FLVCR2: variants seen among roughly 807,000 people sequenced by gnomAD.
FLVCR2 encodes the protein choline/ethanolamine transporter FLVCR2.
Under a neutral mutation model 48.9 loss-of-function variants are expected in FLVCR2, and 38 were observed. That is an observed-to-expected ratio of 0.78 (90% CI 0.60 to 1.02). The LOEUF is 1.02. Ranked by LOEUF, FLVCR2 falls within the 50% of genes least tolerant of loss-of-function variation. The pLI, the probability that FLVCR2 is intolerant of heterozygous loss-of-function variation, is 0.00. For missense variants in FLVCR2, 664 were observed against 663.3 expected (o/e 1.00, Z -0.01); for synonymous variants, 255 against 257.0 (o/e 0.99, Z 0.07).
intron 3 of FLVCR2, among the ~76,000 whole-genome samples, chr14:75,626,054 C>A (rs1272030790): frequency 6.6e-6 from 1 of 151,124 alleles, no homozygotes; most frequent in African/African-American, 2.5e-5. Flanking sequence ...TGCAGTGGTG[C>A]GATCTGGGCT....
At chr14:75,580,921 G>C (rs1888582830) in intron 1 of FLVCR2, among the ~76,000 whole-genome samples, 1 of 152,178 alleles carries the variant, frequency 6.6e-6, no homozygotes, top group Non-Finnish European at 1.5e-5. Flanking sequence ...GGGCTCAGAG[G>C]CCTGACATTC....
intron 8 of FLVCR2, 43 bp downstream of exon 8, chr14:75,641,336 T>C: frequency 7.5e-7 from 1 of 1,337,298 alleles, no homozygotes; most frequent in Non-Finnish European, 1.1e-6. Context: ...AGGTTGGCCA[T>C]TTGGGACCCT....
At chr14:75,640,934 T>A in intron 6 of FLVCR2, 21 bp from the exon 7 acceptor site, 1 of 1,565,694 alleles carries the variant, frequency 6.4e-7, no homozygotes, top group Admixed American at 1.7e-5. Context: ...CATCCCCTTG[T>A]TTCTCTGGTC....
chr14:75,600,008 C>T (rs1889124434), intron 1 of FLVCR2, among the ~76,000 whole-genome samples: 1 of 152,130 alleles, frequency 6.6e-6, no homozygotes. Flanking sequence ...GCTGCACTCC[C>T]AGGAGGTTAG....
chr14:75,613,829 G>A (rs1889530511), intron 1 of FLVCR2, among the ~76,000 whole-genome samples: 1 of 152,178 alleles, frequency 6.6e-6, no homozygotes, highest in Non-Finnish European at 1.5e-5. Context: ...GGGATTATAG[G>A]CATGAGCCAC....
At chr14:75,603,816 C>T (rs962560303) in intron 1 of FLVCR2, among the ~76,000 whole-genome samples, 2 of 152,166 alleles carry the variant, frequency 1.3e-5, no homozygotes, top group African/African-American at 4.8e-5. Flanking sequence ...TGTGTGCTCC[C>T]ACTCCCTCGA....
chr14:75,585,463 C>A (rs1046663024), intron 1 of FLVCR2, among the ~76,000 whole-genome samples: 3 of 152,002 alleles, frequency 2.0e-5, no homozygotes, highest in African/African-American at 7.3e-5. Context: ...TTCTTGAGAA[C>A]ACAGGCTAAG....
At chr14:75,587,370 G>A (rs777907731) in intron 1 of FLVCR2, among the ~76,000 whole-genome samples, 5 of 151,876 alleles carry the variant, frequency 3.3e-5, no homozygotes, top group South Asian at 2.1e-4. Context: ...TTTTCCCCCC[G>A]TCTCCAGGGT....
At chr14:75,596,221 C>G (rs1889017250) in intron 1 of FLVCR2, 3 of 653,156 alleles carry the variant, frequency 4.6e-6, no homozygotes, top group Non-Finnish European at 8.3e-6. Context: ...GTGGTCTATC[C>G]TCAGACAGCC....
At chr14:75,624,342 G>C (rs1392396726) in intron 2 of FLVCR2, among the ~76,000 whole-genome samples, 2 of 151,178 alleles carry the variant, frequency 1.3e-5, no homozygotes, top group Non-Finnish European at 2.9e-5. Context: ...GACAGAGCGA[G>C]ACTCCGTCTC....
intron 1 of FLVCR2, among the ~76,000 whole-genome samples, chr14:75,592,708 G>A (rs1426711021): frequency 2.0e-5 from 3 of 152,130 alleles, no homozygotes; most frequent in Admixed American, 2.0e-4. Flanking sequence ...TTCTGCCTAG[G>A]CCGGGCATGG....
rs117880033 is a variant in FLVCR2, at chr14:75,632,832, C to A, written c.953-797C>A. On this transcript the variant is annotated intron_variant, in intron 3 of 9. Transcript: ENST00000238667. ...ATCTTTATTATCTCTAAAATGGTGA[C>A]GATAATACTACCTACTTTCTAGAGT... 4 of 702,230 alleles carry A rather than the reference C, an allele frequency of 5.7e-6. No individual in the cohort carries two copies. In the South Asian group the frequency reaches 5.9e-5, roughly 10 times the overall value. The allele number at this position is 702,230 out of a possible 1,614,324, so 43.5% of individuals were successfully genotyped here.
At position 75,578,706 on chromosome 14, in the gene FLVCR2, G is replaced by T. The variant is rs1888513434; in HGVS notation, c.-267G>T. The T allele has an allele frequency of 1.8e-6, 1 of 562,742 alleles. No homozygotes were observed. Among genetic ancestry groups the T allele is most frequent in the East Asian group, 3.1e-5 (1 of 32,440 alleles). 34.9% of individuals were successfully genotyped at this position (562,742 alleles called of 1,614,324 possible). ...TCGTGGGGAGACCCAAGGCAGGAGC[G>T]GTCCGGAGCCGGCTGCGGCGTGTGC... On this transcript the variant is annotated 5_prime_UTR_variant, in exon 1 of 10. Coordinates refer to ENST00000238667, the MANE Select transcript of FLVCR2 (RefSeq NM_017791.3).
intron 1 of FLVCR2, among the ~76,000 whole-genome samples, chr14:75,605,255 C>T (rs1414043336): frequency 6.6e-6 from 1 of 152,220 alleles, no homozygotes; most frequent in Non-Finnish European, 1.5e-5. Flanking sequence ...CCACCACCAT[C>T]ACCATCACCA....
intron 9 of FLVCR2, 110 bp from the exon 10 acceptor site, chr14:75,646,291 C>T (rs1323028382): frequency 2.5e-5 from 19 of 747,334 alleles, no homozygotes; most frequent in Non-Finnish European, 3.8e-5. Flanking sequence ...TGCTGAGTGG[C>T]CCCCGGCTCT....
At chr14:75,594,311 A>C (rs1357177354) in intron 1 of FLVCR2, among the ~76,000 whole-genome samples, 1 of 152,200 alleles carries the variant, frequency 6.6e-6, no homozygotes, top group Non-Finnish European at 1.5e-5. Context: ...CCCTCTCCAG[A>C]ATTCCCCTTA....
In FLVCR2 at chr14:75,641,280, A is replaced by G; in HGVS notation, c.1440A>G (p.Gly480=). 1 of 1,613,498 alleles carries G rather than the reference A, an allele frequency of 6.2e-7. No individual in the cohort carries two copies. Among genetic ancestry groups the G allele is most frequent in the South Asian group, 1.1e-5 (1 of 91,056 alleles). ...NIFLCVFLTL[G]AALTAFIKAD... ...TCCTGTGTGTGTTCCTTACTCTTGG[A>G]GCAGCCCTCACTGGTGAGTTGGAGC... The change falls in exon 8 of 10, where the codon GGA becomes GGG. Residue 480 remains glycine, a synonymous_variant. Transcript: ENST00000238667.
intron 3 of FLVCR2, among the ~76,000 whole-genome samples, chr14:75,627,962 A>G (rs1267063059): frequency 6.6e-6 from 1 of 152,250 alleles, no homozygotes; most frequent in Non-Finnish European, 1.5e-5. Flanking sequence ...AACCCATGAC[A>G]TAGCCCTTTG....
At chr14:75,643,782 T>C (rs1259847083) in intron 9 of FLVCR2, among the ~76,000 whole-genome samples, 2 of 152,168 alleles carry the variant, frequency 1.3e-5, no homozygotes, top group African/African-American at 2.4e-5. Flanking sequence ...CAAGGGGACA[T>C]AATGATTTGG....
Sources: allele counts gnomAD v4.1 joint callset (sites outside exome capture counted in the v4.1 genomes callset), GRCh38; gene constraint gnomAD v4.1.1; transcripts MANE v1.5; gene names NCBI Gene and HGNC (gene_info 2026-07-23, HGNC 2026-07-21).